Variants in MAB21L3 observed in about 807,000 individuals in gnomAD.
MAB21L3 encodes the protein protein mab-21-like 3.
In MAB21L3, 36 loss-of-function variants were observed where a neutral mutation model predicts 37.7. The observed-to-expected ratio is 0.96, with a 90% CI of 0.73 to 1.26. The LOEUF (loss-of-function observed/expected upper bound fraction) is 1.26, where lower values mean the gene tolerates loss of function less well. Ranked by LOEUF, MAB21L3 falls within the 50% of genes most tolerant of loss-of-function variation. The pLI is 0.00. For synonymous variants in MAB21L3, 186 were observed against 176.8 expected, an observed-to-expected ratio of 1.05 and a Z score of -0.41; for missense variants, 430 against 447.3, an observed-to-expected ratio of 0.96 and a Z score of 0.35.
chr1:116,116,124 C>G (rs897689136), intron 3 of MAB21L3, among the ~76,000 whole-genome samples: 5 of 152,170 alleles, frequency 3.3e-5, no homozygotes. Context: ...TTTCCACACC[C>G]TGAAATGAAC....
At chr1:116,128,973 A>T (rs765332496) in intron 7 of MAB21L3, among the ~76,000 whole-genome samples, 4 of 152,174 alleles carry the variant, frequency 2.6e-5, no homozygotes, top group Non-Finnish European at 5.9e-5. Flanking sequence ...TCACTCACTC[A>T]TTCAGCAAGT....
At chr1:116,113,493 T>C (rs76724525) in intron 3 of MAB21L3, among the ~76,000 whole-genome samples, 4,456 of 152,284 alleles carry the variant, frequency 0.029, 90 homozygotes, top group Non-Finnish European at 0.037. Flanking sequence ...GGCATTTTTT[T>C]CGTGGGTCCT....
chr1:116,138,002 T>C lies in MAB21L3; in HGVS notation c.*4637T>C, dbSNP rs1225218090. Among the ~76,000 whole-genome samples, 1 of 143,160 alleles carries C rather than the reference T, an allele frequency of 7.0e-6. No individual in the cohort carries two copies. Among genetic ancestry groups the C allele is most frequent in the Non-Finnish European group, 1.5e-5 (1 of 65,682 alleles). The allele number at this position is 143,160 out of a possible 152,430, so 93.9% of individuals were successfully genotyped here. On this transcript the variant is annotated 3_prime_UTR_variant, in exon 8 of 8. Transcript: ENST00000369500. ...GTGGGGGGAGGGGGGAGGGATAGCA[T>C]TGGGAGATATACCTAATGCTAGATG...
At position 116,133,356 on chromosome 1, in the gene MAB21L3, C is replaced by A; in HGVS notation, c.1080C>A (p.Gly360=). 6.2e-7 allele frequency: 1 copy of A among 1,614,156 alleles called. No homozygotes were observed. The highest frequency in any genetic ancestry group is 8.5e-7 in the Non-Finnish European group (1 of 1,179,962). ...CCTTCCTGAAGAACCCCCAGATCGG[C>A]CCGCCCTGATGGTTGCCCCGGCCTG... ...LATFLKNPQI[G]PP Residue 360 remains glycine, a synonymous_variant, in exon 8 of 8, where the codon GGC becomes GGA. Transcript: ENST00000369500.
rs1220995848 is a variant in MAB21L3 at position 116,134,038 on chromosome 1, G to C, written c.*673G>C. 2 of 153,280 alleles carry C rather than the reference G, an allele frequency of 1.3e-5. No homozygotes were observed. The highest frequency in any genetic ancestry group is 2.9e-5 in the Non-Finnish European group (2 of 68,908). 9.5% of individuals were successfully genotyped at this position (153,280 alleles called of 1,614,324 possible). On this transcript the variant is annotated 3_prime_UTR_variant, in exon 8 of 8. Coordinates refer to ENST00000369500, the MANE Select transcript of MAB21L3 (RefSeq NM_152367.3). ...GTGGGTCAGTGGCTCCTGATGTTCT[G>C]TCTGCTTCGCTGGTATTCTCTAAGC...
intron 3 of MAB21L3, among the ~76,000 whole-genome samples, chr1:116,118,627 G>A (rs963560002): frequency 2.0e-5 from 3 of 152,086 alleles, no homozygotes; most frequent in Admixed American, 1.3e-4. Flanking sequence ...GACCTCTCAC[G>A]GTTTATTCTC....
At position 116,137,915 on chromosome 1, in the gene MAB21L3, T is replaced by C. The variant is rs1218724491; in HGVS notation, c.*4550T>C. On this transcript the variant is annotated 3_prime_UTR_variant, in exon 8 of 8. Coordinates refer to ENST00000369500, the MANE Select transcript of MAB21L3 (RefSeq NM_152367.3). ...GCATATTCTCACTCATAGGTGGGAA[T>C]TGAACAATGAGAACACATGGACACA... Among the ~76,000 whole-genome samples, 6 of 141,464 alleles carry C rather than the reference T, an allele frequency of 4.2e-5. No individual in the cohort carries two copies. Among genetic ancestry groups the C allele is most frequent in the African/African-American group, 1.1e-4 (4 of 37,542 alleles). The allele number at this position is 141,464 out of a possible 152,430, so 92.8% of individuals were successfully genotyped here.
intron 4 of MAB21L3, 78 bp downstream of exon 4, chr1:116,121,150 A>T: frequency 7.2e-7 from 1 of 1,380,764 alleles, no homozygotes; most frequent in Non-Finnish European, 1.0e-6. Flanking sequence ...TGTGTGACAG[A>T]TGCTTGCCTC....
Position 116,127,556 on chromosome 1 carries a change from T to C in MAB21L3, c.572T>C (p.Val191Ala). ...YQVELELVPA[V>A]EIPTTWSKKA... ...GTGGAACTGGAGCTGGTCCCCGCAG[T>C]GGAGATCCCCACCACCTGGTCCAAG... Residue 191 changes from valine to alanine, a missense_variant, in exon 6 of 8, where the codon GTG becomes GCG. Physicochemically the swap from Val to Ala is moderately conservative, Grantham distance 64 (BLOSUM62 0). Transcript: ENST00000369500. The C allele has an allele frequency of 6.2e-7, 1 of 1,614,154 alleles. No individual in the cohort carries two copies. The highest frequency in any genetic ancestry group is 1.3e-5 in the African/African-American group (1 of 75,028).
intron 4 of MAB21L3, among the ~76,000 whole-genome samples, chr1:116,122,507 A>G (rs1293292193): frequency 4.6e-5 from 7 of 152,258 alleles, no homozygotes; most frequent in Admixed American, 2.6e-4. Flanking sequence ...ACAGCATAGC[A>G]TATAAAATTG....
chr1:116,125,066 GC>G (rs1475734727), intron 5 of MAB21L3, among the ~76,000 whole-genome samples: 8 of 149,556 alleles, frequency 5.3e-5, no homozygotes, highest in African/African-American at 2.0e-4. Flanking sequence ...CAAATGGCTT[GC>G]AAAAATAAGA....
intron 7 of MAB21L3, among the ~76,000 whole-genome samples, chr1:116,131,201 A>G (rs1181128684): frequency 6.6e-6 from 1 of 152,204 alleles, no homozygotes; most frequent in African/African-American, 2.4e-5. Context: ...AAAAACTACT[A>G]CTGTTGTCGC....
intron 5 of MAB21L3, among the ~76,000 whole-genome samples, chr1:116,124,625 C>T (rs150593847): frequency 1.6e-3 from 238 of 152,250 alleles, no homozygotes; most frequent in South Asian, 0.016. Flanking sequence ...GTGGATTATG[C>T]ACCTTAACCA....
Position 116,135,532 on chromosome 1 carries a change from C to T in MAB21L3, c.*2167C>T, listed in dbSNP as rs1264044787. Among the ~76,000 whole-genome samples the T allele has an allele frequency of 1.3e-5, 2 of 152,064 alleles. No homozygotes were observed. Among genetic ancestry groups the T allele is most frequent in the Admixed American group, 6.5e-5 (1 of 15,276 alleles). The stretch of plus-strand genomic sequence containing the variant: ...GTCCAGGACCAGATGGATTCACAGC[C>T]GAATTCTACCAGAGGTACAAGGAGG... On this transcript the variant is annotated 3_prime_UTR_variant, in exon 8 of 8. Transcript: ENST00000369500.
In MAB21L3 at chr1:116,135,224, C is replaced by A. The variant is rs1660177780; in HGVS notation, c.*1859C>A. 1.3e-5 allele frequency: 2 copies of A among 151,806 alleles called. No homozygotes were observed. Among genetic ancestry groups the A allele is most frequent in the African/African-American group, 4.8e-5 (2 of 41,290 alleles). The allele number at this position is 151,806 out of a possible 1,614,324, so 9.4% of individuals were successfully genotyped here. On this transcript the variant is annotated 3_prime_UTR_variant, in exon 8 of 8. Coordinates refer to ENST00000369500, the MANE Select transcript of MAB21L3 (RefSeq NM_152367.3). ...TGAAAGGATCAACAAAATTGATAGACTGCTAGCAAGACTAATAAAGAAAAA... is the reference window on the plus strand; with the variant it reads ...TGAAAGGATCAACAAAATTGATAGAATGCTAGCAAGACTAATAAAGAAAAA...
At chr1:116,115,221 A>G (rs545473011) in intron 3 of MAB21L3, among the ~76,000 whole-genome samples, 1 of 152,318 alleles carries the variant, frequency 6.6e-6, no homozygotes, top group East Asian at 1.9e-4. Flanking sequence ...GGAAGGACTA[A>G]ATAATCTTAG....
chr1:116,127,790 G>A (rs779553262), intron 6 of MAB21L3, 146 bp downstream of exon 6: 17 of 913,286 alleles, frequency 1.9e-5, no homozygotes, highest in East Asian at 1.4e-4. Flanking sequence ...CTGCAGCAGC[G>A]TCACCTGAGA....
intron 7 of MAB21L3, among the ~76,000 whole-genome samples, chr1:116,129,762 TCA>T (rs1557934098): frequency 1.3e-5 from 2 of 152,196 alleles, no homozygotes; most frequent in Non-Finnish European, 2.9e-5. Context: ...ATGAGTGGCT[TCA>T]CATCTTACTC....
chr1:116,112,721 C>A, intron 3 of MAB21L3, 58 bp downstream of exon 3: 1 of 1,564,936 alleles, frequency 6.4e-7, no homozygotes, highest in Middle Eastern at 1.7e-4. Context: ...TACTTCCAAA[C>A]AAACCTTCGT....
Sources: gnomAD v4.1 joint callset for allele counts (sites outside exome capture counted in the v4.1 genomes callset) on GRCh38, gnomAD v4.1.1 for gene constraint, MANE v1.5 for transcripts, NCBI Gene and HGNC (gene_info 2026-07-23, HGNC 2026-07-21) for gene names.